The following CSMD1 variants were observed in gnomAD, a reference collection of about 807,000 sequenced individuals.
CSMD1 encodes CUB and Sushi multiple domains 1.
CSMD1 carries 213 observed loss-of-function variants against 417.5 expected under a neutral mutation model. The observed-to-expected ratio is 0.51, with a 90% confidence interval of 0.46 to 0.57. CSMD1 has a LOEUF of 0.57. Ranked by LOEUF, CSMD1 falls within the 20% of genes least tolerant of loss-of-function variation. The probability of loss-of-function intolerance (pLI) is 0.00; values close to 1 mark genes in which losing one functional copy is unlikely to be tolerated. For synonymous variants in CSMD1, 2,862 were observed against 1,736.8 expected (o/e 1.65, Z -16.11); for missense variants, 6,923 against 4,529.7 (o/e 1.53, Z -15.17).
At chr8:3,242,614 G>T (rs1799611407) in intron 26 of CSMD1, among the ~76,000 whole-genome samples, 1 of 152,048 alleles carries the variant, frequency 6.6e-6, no homozygotes, top group Non-Finnish European at 1.5e-5. Flanking sequence ...AAGGCATTTA[G>T]GTTTTAGGTC....
intron 3 of CSMD1, among the ~76,000 whole-genome samples, chr8:4,120,422 T>G (rs1802419457): frequency 6.6e-6 from 1 of 152,194 alleles, no homozygotes; most frequent in Non-Finnish European, 1.5e-5. Context: ...TTTGTTGAGT[T>G]TTCTCTCCTT....
At chr8:3,737,554 A>G (rs1009911661) in intron 6 of CSMD1, among the ~76,000 whole-genome samples, 1 of 152,194 alleles carries the variant, frequency 6.6e-6, no homozygotes, top group Non-Finnish European at 1.5e-5. Context: ...ATCTCCTTGC[A>G]CAGAGTAGCA....
intron 41 of CSMD1, among the ~76,000 whole-genome samples, chr8:3,125,138 G>A (rs563879380): frequency 6.6e-6 from 1 of 152,316 alleles, no homozygotes; most frequent in East Asian, 1.9e-4. Context: ...GACTATATTA[G>A]GAGTCTGAAT....
chr8:4,062,718 T>C (rs998747641), intron 3 of CSMD1, among the ~76,000 whole-genome samples: 1 of 151,100 alleles, frequency 6.6e-6, no homozygotes, highest in African/African-American at 2.4e-5. Flanking sequence ...TTATTCCTGA[T>C]CAGCATTATC....
intron 5 of CSMD1, among the ~76,000 whole-genome samples, chr8:3,873,350 A>G (rs116994355): frequency 3.5e-3 from 536 of 152,240 alleles, no homozygotes; most frequent in Non-Finnish European, 6.1e-3. Flanking sequence ...TGATATGTAT[A>G]TACCATATAA....
At chr8:3,599,713 C>T (rs1247898241) in intron 8 of CSMD1, among the ~76,000 whole-genome samples, 1 of 152,202 alleles carries the variant, frequency 6.6e-6, no homozygotes, top group Non-Finnish European at 1.5e-5. Context: ...GCTGCATGCC[C>T]AGATTGGCGC....
At chr8:4,397,805 A>G (rs958796087) in intron 3 of CSMD1, among the ~76,000 whole-genome samples, 2 of 152,134 alleles carry the variant, frequency 1.3e-5, no homozygotes, top group African/African-American at 2.4e-5. Context: ...ATTACATGCT[A>G]ATTATACAAT....
At chr8:3,668,005 C>T (rs190871281) in intron 7 of CSMD1, among the ~76,000 whole-genome samples, 102 of 152,234 alleles carry the variant, frequency 6.7e-4, no homozygotes, top group East Asian at 1.7e-3. Context: ...AGTGTCTGTG[C>T]GCCTCAGAGC....
intron 1 of CSMD1, among the ~76,000 whole-genome samples, chr8:4,842,178 C>T (rs541281106): frequency 6.6e-6 from 1 of 152,266 alleles, no homozygotes; most frequent in South Asian, 2.1e-4. Context: ...GCCAGACACA[C>T]ATGAAAAGAA....
At chr8:3,161,191 T>C (rs1819870097) in intron 38 of CSMD1, among the ~76,000 whole-genome samples, 1 of 152,162 alleles carries the variant, frequency 6.6e-6, no homozygotes, top group South Asian at 2.1e-4. Context: ...ATAATTATGC[T>C]AAGTGATAGA....
At chr8:4,509,940 A>G (rs1401081085) in intron 2 of CSMD1, among the ~76,000 whole-genome samples, 3 of 152,084 alleles carry the variant, frequency 2.0e-5, no homozygotes, top group African/African-American at 7.2e-5. Flanking sequence ...AAAGCCTTAA[A>G]TCACTATTTT....
chr8:3,095,284 C>A (rs1293715340), intron 47 of CSMD1, among the ~76,000 whole-genome samples: 3 of 152,120 alleles, frequency 2.0e-5, no homozygotes, highest in East Asian at 1.9e-4. Flanking sequence ...GGATGCTCTA[C>A]ATTTTAATTT....
At chr8:4,517,511 A>G (rs1803190876) in intron 2 of CSMD1, among the ~76,000 whole-genome samples, 2 of 152,242 alleles carry the variant, frequency 1.3e-5, no homozygotes, top group Admixed American at 6.5e-5. Context: ...GGCATACTAA[A>G]TGCTTAATAA....
chr8:4,847,580 G>T (rs1034956691), intron 1 of CSMD1, among the ~76,000 whole-genome samples: 3 of 152,048 alleles, frequency 2.0e-5, no homozygotes, highest in Admixed American at 6.6e-5. Flanking sequence ...ACTCTATTCA[G>T]ATTCTTTTCA....
chr8:3,276,372 C>T (rs915220236), intron 26 of CSMD1, among the ~76,000 whole-genome samples: 1 of 152,324 alleles, frequency 6.6e-6, no homozygotes, highest in Middle Eastern at 3.4e-3. Context: ...GTCGTTCACG[C>T]TGGGAGCTGT....
chr8:2,946,872 C>T (rs1283616964), intron 68 of CSMD1, among the ~76,000 whole-genome samples: 1 of 152,194 alleles, frequency 6.6e-6, no homozygotes, highest in Non-Finnish European at 1.5e-5. Context: ...AGTTCCTCCG[C>T]CTCCTTGCCA....
At chr8:4,209,996 T>A (rs1800213115) in intron 3 of CSMD1, among the ~76,000 whole-genome samples, 1 of 152,178 alleles carries the variant, frequency 6.6e-6, no homozygotes, top group Non-Finnish European at 1.5e-5. Context: ...AAAGGCTGCT[T>A]CTGCCCCAGA....
intron 3 of CSMD1, among the ~76,000 whole-genome samples, chr8:4,184,160 G>A (rs1453383794): frequency 6.6e-6 from 1 of 152,032 alleles, no homozygotes; most frequent in Non-Finnish European, 1.5e-5. Context: ...AACTATGAAA[G>A]AAAAAGCAAT....
chr8:3,815,468 G>A (rs1009046632), intron 5 of CSMD1, among the ~76,000 whole-genome samples: 1 of 152,048 alleles, frequency 6.6e-6, no homozygotes, highest in Non-Finnish European at 1.5e-5. Context: ...TCAGGTTTCT[G>A]TGTAAATATA....
Sources: gnomAD v4.1 joint callset for allele counts (sites outside exome capture counted in the v4.1 genomes callset) on GRCh38, gnomAD v4.1.1 for gene constraint, MANE v1.5 for transcripts, NCBI Gene and HGNC (gene_info 2026-07-23, HGNC 2026-07-21) for gene names.